The following SLC6A5 variants were observed in gnomAD, a reference collection of about 807,000 sequenced individuals.
SLC6A5 encodes the protein solute carrier family 6 member 5, also known as sodium- and chloride-dependent glycine transporter 2.
In SLC6A5, 58 loss-of-function variants were observed where a neutral mutation model predicts 90.5. The ratio of observed to expected loss-of-function variants is 0.64; its 90% CI spans 0.52 to 0.80. The LOEUF is 0.80. Ranked by LOEUF, SLC6A5 falls within the 30% of genes least tolerant of loss-of-function variation. The pLI is 0.00. For missense variants in SLC6A5, 1,015 were observed against 1,017.6 expected (o/e 1.00, Z 0.03); for synonymous variants, 427 against 401.4 (o/e 1.06, Z -0.76).
chr11:20,654,813 C>G lies in SLC6A5; in HGVS notation c.2339C>G (p.Ser780Cys), dbSNP rs1853611577. Residue 780 changes from serine to cysteine, a missense_variant, in exon 16 of 16, where the codon TCT (serine) becomes TGT (cysteine). Around this residue, in one of 3 missense-constraint regions of SLC6A5, gnomAD observed 442 missense variants for 494.3 expected, o/e 0.89. Coordinates refer to ENST00000525748, the MANE Select transcript of SLC6A5 (RefSeq NM_004211.5). ...YKNMIDPLGTSSLGLKLPVKD... is the reference protein window; with the variant it reads ...YKNMIDPLGTCSLGLKLPVKD... ...AACATGATCGACCCCTTGGGAACCTCTTCCTTGGGACTCAAACTGCCAGTG... is the reference window on the plus strand; with the variant it reads ...AACATGATCGACCCCTTGGGAACCTGTTCCTTGGGACTCAAACTGCCAGTG... The G allele has an allele frequency of 6.2e-7, 1 of 1,614,184 alleles. No individual in the cohort carries two copies. The highest frequency in any genetic ancestry group is 8.5e-7 in the Non-Finnish European group (1 of 1,180,030).
chr11:20,634,501 C>A (rs899787008), intron 10 of SLC6A5, among the ~76,000 whole-genome samples: 2 of 152,222 alleles, frequency 1.3e-5, no homozygotes, highest in African/African-American at 4.8e-5. Context: ...AAGTGAGCAG[C>A]TGAGGACCTC....
intron 15 of SLC6A5, among the ~76,000 whole-genome samples, chr11:20,654,216 T>G (rs1853596031): frequency 6.7e-6 from 1 of 150,078 alleles, no homozygotes; most frequent in East Asian, 2.0e-4. Flanking sequence ...TGGGGTTGGA[T>G]TTTTTTTTTC....
intron 15 of SLC6A5, among the ~76,000 whole-genome samples, chr11:20,654,003 T>C (rs1853588323): frequency 6.6e-6 from 1 of 152,234 alleles, no homozygotes; most frequent in Non-Finnish European, 1.5e-5. Context: ...TGTTCCCTCT[T>C]AGTCAGAAAT....
At chr11:20,618,028 T>C in intron 7 of SLC6A5, 144 bp downstream of exon 7, 1 of 837,538 alleles carries the variant, frequency 1.2e-6, no homozygotes, top group Non-Finnish European at 2.0e-6. Flanking sequence ...GGGCTGTGAC[T>C]TCACTTTCAT....
intron 5 of SLC6A5, among the ~76,000 whole-genome samples, chr11:20,614,200 T>C (rs1852743640): frequency 6.6e-6 from 1 of 152,206 alleles, no homozygotes; most frequent in South Asian, 2.1e-4. Flanking sequence ...GGTCTGCTTA[T>C]TTTCTAATTC....
chr11:20,626,580 T>C (rs1852998704), intron 7 of SLC6A5, 128 bp from the exon 8 acceptor site: 14 of 995,018 alleles, frequency 1.4e-5, no homozygotes, highest in Middle Eastern at 2.8e-4. Flanking sequence ...CTGGCTGCAT[T>C]TGGGGACAAC....
At chr11:20,645,219 A>C (rs1026301297) in intron 13 of SLC6A5, among the ~76,000 whole-genome samples, 5 of 151,988 alleles carry the variant, frequency 3.3e-5, no homozygotes, top group African/African-American at 1.2e-4. Flanking sequence ...CTCACATCAC[A>C]TCCATCCTTC....
chr11:20,648,381 T>C (rs1853463175), intron 14 of SLC6A5, among the ~76,000 whole-genome samples: 1 of 152,194 alleles, frequency 6.6e-6, no homozygotes, highest in African/African-American at 2.4e-5. Flanking sequence ...GCTAGAAATG[T>C]AGACAGAAAA....
chr11:20,643,117 G>A (rs979651671), intron 13 of SLC6A5, among the ~76,000 whole-genome samples: 12 of 152,142 alleles, frequency 7.9e-5, no homozygotes, highest in Admixed American at 6.5e-4. Flanking sequence ...TATCATATCG[G>A]TGTCCCCAGT....
chr11:20,618,868 C>T (rs553541285), intron 7 of SLC6A5, among the ~76,000 whole-genome samples: 10 of 151,574 alleles, frequency 6.6e-5, no homozygotes, highest in South Asian at 4.2e-4. Flanking sequence ...ACCCGGGAGG[C>T]GGAGATTGCG....
chr11:20,619,256 G>A (rs1335168577), intron 7 of SLC6A5, among the ~76,000 whole-genome samples: 1 of 152,166 alleles, frequency 6.6e-6, no homozygotes, highest in African/African-American at 2.4e-5. Flanking sequence ...TTCACCCCCA[G>A]GCATGCTTTG....
chr11:20,608,056 T>A (rs946063446), intron 5 of SLC6A5, among the ~76,000 whole-genome samples: 1 of 152,218 alleles, frequency 6.6e-6, no homozygotes, highest in Non-Finnish European at 1.5e-5. Context: ...CCTTTCTGAA[T>A]AGATTTGCAT....
rs1190833714 is a variant in SLC6A5 at position 20,654,893 on chromosome 11, C to A, written c.*25C>A. ...GTCCAGTGGTGTGGGATGGTCCAGA[C>A]TTGATCCTGTTTTTCCTCTCTGCCT... On this transcript the variant is annotated 3_prime_UTR_variant, in exon 16 of 16. Transcript: ENST00000525748. 5.6e-6 allele frequency: 9 copies of A among 1,612,562 alleles called. No individual in the cohort carries two copies. The highest frequency in any genetic ancestry group is 7.6e-6 in the Non-Finnish European group (9 of 1,178,530).
rs906891419 is a variant in SLC6A5 at position 20,656,953 on chromosome 11, G to T, written c.*2085G>T. On this transcript the variant is annotated 3_prime_UTR_variant, in exon 16 of 16. Coordinates refer to ENST00000525748, the MANE Select transcript of SLC6A5 (RefSeq NM_004211.5). ...GTACCAAAAATGAGCCTCTCCAGCTGATACCTGGTAGAGTGAGAGGAGCCA... is the reference window on the plus strand; with the variant it reads ...GTACCAAAAATGAGCCTCTCCAGCTTATACCTGGTAGAGTGAGAGGAGCCA... 2 of 152,186 alleles carry T rather than the reference G, an allele frequency of 1.3e-5. No homozygotes were observed. Among genetic ancestry groups the T allele is most frequent in the African/African-American group, 2.4e-5 (1 of 41,444 alleles). 9.4% of individuals were successfully genotyped at this position (152,186 alleles called of 1,614,324 possible). A position where few individuals can be genotyped will look rare whatever the true frequency, so the allele number is the denominator to read the frequency against.
rs543459918 is a variant in SLC6A5 at position 20,657,017 on chromosome 11, T to C, written c.*2149T>C. ...AGGCCTGGAAATTATCTGCAGGCTTTGCAATTTGAAGGTTGAGAAAGAGAG... is the reference window on the plus strand; with the variant it reads ...AGGCCTGGAAATTATCTGCAGGCTTCGCAATTTGAAGGTTGAGAAAGAGAG... On this transcript the variant is annotated 3_prime_UTR_variant, in exon 16 of 16. Transcript: ENST00000525748. 2.6e-5 allele frequency: 4 copies of C among 152,230 alleles called. No individual in the cohort carries two copies. Among genetic ancestry groups the C allele is most frequent in the Non-Finnish European group, 5.9e-5 (4 of 68,042 alleles). The allele number at this position is 152,230 out of a possible 1,614,324, so 9.4% of individuals were successfully genotyped here.
chr11:20,606,904 T>G (rs2133774492), intron 3 of SLC6A5, 103 bp from the exon 4 acceptor site: 1 of 1,455,334 alleles, frequency 6.9e-7, no homozygotes, highest in Non-Finnish European at 9.6e-7. Context: ...TAAATTGTCC[T>G]TTAGTTCTTT....
At chr11:20,628,460 T>A (rs896065190) in intron 9 of SLC6A5, among the ~76,000 whole-genome samples, 20 of 152,200 alleles carry the variant, frequency 1.3e-4, no homozygotes, top group Non-Finnish European at 2.4e-4. Context: ...CCTAATCTCC[T>A]CTTCTTATAA....
chr11:20,633,305 G>A (rs929362224), intron 10 of SLC6A5, among the ~76,000 whole-genome samples: 1 of 152,136 alleles, frequency 6.6e-6, no homozygotes, highest in African/African-American at 2.4e-5. Flanking sequence ...ATACTACTTT[G>A]GTTCCCTTGC....
At chr11:20,623,253 G>C (rs956486453) in intron 7 of SLC6A5, among the ~76,000 whole-genome samples, 1 of 151,922 alleles carries the variant, frequency 6.6e-6, no homozygotes, top group African/African-American at 2.4e-5. Flanking sequence ...CAGGAAGAAA[G>C]AGTTCGGCCT....
Sources: gnomAD v4.1 joint callset for allele counts (sites outside exome capture counted in the v4.1 genomes callset) on GRCh38, gnomAD v4.1.1 for gene constraint, gnomAD v4.1.1 regional missense constraint, MANE v1.5 for transcripts, NCBI Gene and HGNC (gene_info 2026-07-23, HGNC 2026-07-21) for gene names.